Variants in PHF20 observed in about 807,000 individuals in gnomAD.
The protein encoded by PHF20 is glioma-expressed antigen 2.
In PHF20, 23 loss-of-function variants were observed where a neutral mutation model predicts 113.5. The observed-to-expected ratio is 0.20, with a 90% confidence interval of 0.15 to 0.29. The LOEUF (loss-of-function observed/expected upper bound fraction) is 0.29, where lower values mean the gene tolerates loss of function less well. Among genes scored for constraint, PHF20 ranks in the 10% least tolerant of loss-of-function variants. PHF20 has a pLI of 1.00. For synonymous variants in PHF20, 434 were observed against 457.3 expected (o/e 0.95, Z 0.65); for missense variants, 943 against 1,219.6 (o/e 0.77, Z 3.38).
intron 10 of PHF20, among the ~76,000 whole-genome samples, chr20:35,903,560 T>C (rs2055143931): frequency 6.6e-6 from 1 of 152,152 alleles, no homozygotes; most frequent in South Asian, 2.1e-4. Context: ...TGTACCCCCA[T>C]CCACATGTCA....
intron 2 of PHF20, among the ~76,000 whole-genome samples, chr20:35,814,497 G>T (rs1010380969): frequency 6.6e-6 from 1 of 151,490 alleles, no homozygotes; most frequent in Non-Finnish European, 1.5e-5. Context: ...GATTACAGGC[G>T]TGAACCGCTG....
chr20:35,835,052 G>A (rs57182706), intron 2 of PHF20, among the ~76,000 whole-genome samples: 3 of 151,946 alleles, frequency 2.0e-5, no homozygotes, highest in East Asian at 3.9e-4. Context: ...TGAGGCGGGC[G>A]GATCACGAGG....
At chr20:35,861,755 C>A (rs1031588548) in intron 5 of PHF20, among the ~76,000 whole-genome samples, 1 of 152,148 alleles carries the variant, frequency 6.6e-6, no homozygotes, top group Admixed American at 6.6e-5. Flanking sequence ...ACCGAGAATG[C>A]CTGTTCTCAA....
chr20:35,885,399 C>G (rs1052542867), intron 9 of PHF20, among the ~76,000 whole-genome samples: 3 of 128,084 alleles, frequency 2.3e-5, no homozygotes, highest in African/African-American at 9.0e-5. Context: ...TTTCTTTTGT[C>G]TTCTTTAATC....
At chr20:35,909,034 A>C (rs1051195720) in intron 10 of PHF20, among the ~76,000 whole-genome samples, 5 of 152,080 alleles carry the variant, frequency 3.3e-5, no homozygotes, top group African/African-American at 2.4e-5. Flanking sequence ...TTTCTGGCTT[A>C]TTCCACTCGC....
chr20:35,787,360 G>A (rs2041442819), intron 1 of PHF20, among the ~76,000 whole-genome samples: 1 of 150,858 alleles, frequency 6.6e-6, no homozygotes. Flanking sequence ...TGTATTTTTA[G>A]TCTAGACGAG....
intron 1 of PHF20, among the ~76,000 whole-genome samples, chr20:35,789,935 A>C (rs1444178506): frequency 7.4e-6 from 1 of 135,160 alleles, no homozygotes; most frequent in East Asian, 2.1e-4. Flanking sequence ...GCTCACTGCA[A>C]CCTCCGCCTC....
chr20:35,858,376 G>T lies in PHF20; in HGVS notation c.415G>T (p.Asp139Tyr). Residue 139 changes from aspartate (D) to tyrosine (Y), a missense_variant, in exon 5 of 18, where the codon GAT becomes TAT. Physicochemically the swap from Asp to Tyr is radical, Grantham distance 160. Transcript: ENST00000374012. ...KHIHVKAFSK[D>Y]QNIVGNARPK... ...TATTCATGTCAAAGCTTTTTCCAAA[G>T]ATCAGGTGAGAAATGTGGTTTTGTG... 6.4e-7 allele frequency: 1 copy of T among 1,563,210 alleles called. No individual in the cohort carries two copies. Among genetic ancestry groups the T allele is most frequent in the Middle Eastern group, 1.7e-4 (1 of 5,972 alleles).
At position 35,899,598 on chromosome 20, in the gene PHF20, A is replaced by G. The variant is rs968159760; in HGVS notation, c.1511A>G (p.Lys504Arg). ...VQTRGPSASD[K>R]PSQETLTRKR... ...ACCAGGGGCCCTTCAGCTTCAGACA[A>G]GCCCAGCCAGGAGACCCTGACCAGG... The change falls in exon 10 of 18, where the codon AAG (lysine) becomes AGG (arginine). Residue 504 changes from lysine to arginine, a missense_variant. Lys to Arg is a conservative substitution (Grantham distance 26). Transcript: ENST00000374012. 3.1e-6 allele frequency: 5 copies of G among 1,614,182 alleles called. No individual in the cohort carries two copies. The highest frequency in any genetic ancestry group is 4.2e-6 in the Non-Finnish European group (5 of 1,180,028).
chr20:35,897,921 G>A (rs537407885), intron 9 of PHF20, among the ~76,000 whole-genome samples: 1 of 151,552 alleles, frequency 6.6e-6, no homozygotes, highest in South Asian at 2.1e-4. Context: ...TGTCACCCAG[G>A]CTGTAGTGCG....
chr20:35,866,839 A>G (rs1000323205), intron 6 of PHF20, among the ~76,000 whole-genome samples: 2 of 152,234 alleles, frequency 1.3e-5, no homozygotes, highest in Non-Finnish European at 1.5e-5. Context: ...TTATATTTTT[A>G]TAAGTGTAGG....
intron 10 of PHF20, among the ~76,000 whole-genome samples, chr20:35,906,989 T>C (rs1289672224): frequency 6.6e-6 from 1 of 152,104 alleles, no homozygotes; most frequent in Admixed American, 6.6e-5. Flanking sequence ...AGACCCTGAC[T>C]ACCACTTCTC....
intron 2 of PHF20, among the ~76,000 whole-genome samples, chr20:35,834,454 T>C (rs542457312): frequency 6.6e-6 from 1 of 152,098 alleles, no homozygotes; most frequent in Non-Finnish European, 1.5e-5. Context: ...TTTCTCCATG[T>C]TGGTCAGACT....
chr20:35,940,177 A>G (rs554485657), intron 16 of PHF20, among the ~76,000 whole-genome samples: 1 of 152,286 alleles, frequency 6.6e-6, no homozygotes, highest in East Asian at 1.9e-4. Context: ...AATCTATTTC[A>G]TTTCAAATGG....
intron 1 of PHF20, among the ~76,000 whole-genome samples, chr20:35,789,947 C>T (rs370995805): frequency 2.7e-5 from 4 of 150,514 alleles, no homozygotes; most frequent in Non-Finnish European, 4.4e-5. Flanking sequence ...CTCCGCCTCC[C>T]GGGTTCAGGC....
At chr20:35,830,835 T>C (rs986939531) in intron 2 of PHF20, among the ~76,000 whole-genome samples, 10 of 152,058 alleles carry the variant, frequency 6.6e-5, no homozygotes, top group African/African-American at 2.2e-4. Flanking sequence ...TCCCATCACC[T>C]AGCTATTAAG....
intron 2 of PHF20, among the ~76,000 whole-genome samples, chr20:35,824,182 G>A (rs1199350268): frequency 6.6e-6 from 1 of 152,168 alleles, no homozygotes; most frequent in African/African-American, 2.4e-5. Flanking sequence ...ATTTCCACCA[G>A]GAATGTCAGG....
chr20:35,795,657 A>G (rs553201639), intron 1 of PHF20, among the ~76,000 whole-genome samples: 2 of 152,258 alleles, frequency 1.3e-5, no homozygotes, highest in African/African-American at 4.8e-5. Flanking sequence ...ACAGAGCTCA[A>G]CAATGTAGCT....
At chr20:35,917,783 C>G (rs2055435330) in intron 13 of PHF20, 121 bp downstream of exon 13, 6 of 788,576 alleles carry the variant, frequency 7.6e-6, no homozygotes, top group African/African-American at 3.5e-5. Context: ...CGAACGGCAG[C>G]AGACTGAGCT....
Sources: allele counts gnomAD v4.1 joint callset (sites outside exome capture counted in the v4.1 genomes callset), GRCh38; gene constraint gnomAD v4.1.1; transcripts MANE v1.5; gene names NCBI Gene and HGNC (gene_info 2026-07-23, HGNC 2026-07-21).